The following MAPK6 variants were observed in gnomAD, a reference collection of about 807,000 sequenced individuals.
MAPK6 encodes the protein mitogen-activated protein kinase 6.
Under a neutral mutation model 59.3 loss-of-function variants are expected in MAPK6, and 19 were observed. The ratio of observed to expected loss-of-function variants is 0.32; its 90% CI spans 0.22 to 0.47. MAPK6 has a LOEUF of 0.47. Among genes scored for constraint, MAPK6 ranks in the 20% least tolerant of loss-of-function variants. The pLI is 1.00. For synonymous variants in MAPK6, 316 were observed against 290.3 expected (o/e 1.09, Z -0.90); for missense variants, 724 against 847.9 (o/e 0.85, Z 1.81).
In MAPK6 at chr15:52,064,594, C is replaced by T. The variant is rs1250040312; in HGVS notation, c.1760C>T (p.Ala587Val). 2.5e-6 allele frequency: 4 copies of T among 1,611,792 alleles called. No individual in the cohort carries two copies. Among genetic ancestry groups the T allele is most frequent in the Middle Eastern group, 2.3e-4 (1 of 4,430 alleles). ...KGMANLAQLE[A>V]LYQSSWDSQF... is the part of the protein sequence containing the mutation. ...ATGGCAAATCTGGCTCAATTAGAAG[C>T]CTTGTACCAGTCTTCTTGGGACAGC... Residue 587 changes from alanine (A) to valine (V), a missense_variant, in exon 6 of 6, where the codon GCC becomes GTC. Ala to Val is a moderately conservative substitution (Grantham distance 64). Coordinates refer to ENST00000261845, the MANE Select transcript of MAPK6 (RefSeq NM_002748.4).
Position 52,058,530 on chromosome 15 carries a change from T to C in MAPK6, c.701-103T>C, listed in dbSNP as rs2032070406. 8 of 952,856 alleles carry C rather than the reference T, an allele frequency of 8.4e-6. 1 individual carries two copies. In the African/African-American group the frequency reaches 1.3e-4, roughly 16 times the overall value. The allele number at this position is 952,856 out of a possible 1,614,324, so 59.0% of individuals were successfully genotyped here. A position where few individuals can be genotyped will look rare whatever the true frequency, so the allele number is the denominator to read the frequency against. On this transcript the variant is annotated intron_variant, in intron 3 of 5. Transcript: ENST00000261845. ...CCTGCTGATGATACAATTCAAACTTTTCCCCCCACTGGTCATTATAATATT... is the reference window on the plus strand; with the variant it reads ...CCTGCTGATGATACAATTCAAACTTCTCCCCCCACTGGTCATTATAATATT...
At chr15:52,016,107 C>CACACACAA (rs1267339787), upstream of MAPK6, among the ~76,000 whole-genome samples, 807 of 136,146 alleles carry the variant, frequency 5.9e-3, 7 homozygotes, top group African/African-American at 0.015. Flanking sequence ...CACACACACA[C>CACACACAA]AAACTAAAAC....
intron 2 of MAPK6, among the ~76,000 whole-genome samples, chr15:51,991,176 C>CACAT (rs941245260): frequency 6.7e-6 from 1 of 149,036 alleles, no homozygotes; most frequent in Non-Finnish European, 1.5e-5. Flanking sequence ...CACACACACA[C>CACAT]ACACATATAT....
At chr15:52,058,487 A>T in intron 3 of MAPK6, 146 bp from the exon 4 acceptor site, 1 of 588,910 alleles carries the variant, frequency 1.7e-6, no homozygotes, top group Non-Finnish European at 2.8e-6. Flanking sequence ...TAGATTGGTG[A>T]TAGTCAAAGC....
At chr15:52,060,349 GT>G (rs1193316659) in intron 4 of MAPK6, among the ~76,000 whole-genome samples, 2 of 152,234 alleles carry the variant, frequency 1.3e-5, no homozygotes, top group African/African-American at 4.8e-5. Flanking sequence ...GGATGTGTGA[GT>G]GACCATAGTG....
At chr15:52,054,857 G>GGCTCACTGCAACCTCCGCCTCCCAGGTTC (rs1373549263) in intron 3 of MAPK6, among the ~76,000 whole-genome samples, 2 of 151,834 alleles carry the variant, frequency 1.3e-5, no homozygotes, top group Non-Finnish European at 2.9e-5. Flanking sequence ...GTGCGATCTT[G>GGCTCACTGCAACCTCCGCCTCCCAGGTTC]GCTCACTGCA....
chr15:52,039,486 G>GT (rs2031346053), intron 1 of MAPK6, among the ~76,000 whole-genome samples: 1 of 150,696 alleles, frequency 6.6e-6, no homozygotes, highest in African/African-American at 2.4e-5. Context: ...ACACAAATTG[G>GT]TAGTAGTAGG....
chr15:52,014,140 C>T (rs1259136211), intron 3 of MAPK6, among the ~76,000 whole-genome samples: 1 of 151,924 alleles, frequency 6.6e-6, no homozygotes, highest in Non-Finnish European at 1.5e-5. Flanking sequence ...CCCTGATGTC[C>T]CCGGTTCTTA....
chr15:52,013,020 AATATATATATATATATATAT>A (rs71130116), intron 3 of MAPK6, among the ~76,000 whole-genome samples: 7 of 19,124 alleles, frequency 3.7e-4, no homozygotes, highest in East Asian at 4.1e-3. Flanking sequence ...AAAAAAAAAA[AATATATATATATATATATAT>A]ATATATATAT....
At chr15:52,002,072 A>G (rs972014798) in intron 2 of MAPK6, among the ~76,000 whole-genome samples, 1 of 152,188 alleles carries the variant, frequency 6.6e-6, no homozygotes, top group Non-Finnish European at 1.5e-5. Context: ...AAGTCTCTTT[A>G]CATGCTACCA....
intron 3 of MAPK6, among the ~76,000 whole-genome samples, chr15:52,051,227 T>C (rs2031768024): frequency 6.6e-6 from 1 of 152,038 alleles, no homozygotes; most frequent in African/African-American, 2.4e-5. Flanking sequence ...CCGGCTAATT[T>C]TTTGTATTTT....
chr15:51,981,240 G>A (rs191248533), intron 1 of MAPK6, among the ~76,000 whole-genome samples: 72 of 151,754 alleles, frequency 4.7e-4, no homozygotes, highest in African/African-American at 1.7e-3. Flanking sequence ...TTGGGAGGCC[G>A]AGGCCAGCGG....
intron 5 of MAPK6, 28 bp from the exon 6 acceptor site, chr15:52,063,874 A>G: frequency 6.6e-7 from 1 of 1,521,106 alleles, no homozygotes; most frequent in Non-Finnish European, 8.8e-7. Flanking sequence ...TATACGTAGA[A>G]TAACGCTAGT....
intron 1 of MAPK6, among the ~76,000 whole-genome samples, chr15:52,045,412 A>G (rs2031566002): frequency 6.6e-6 from 1 of 152,268 alleles, no homozygotes; most frequent in South Asian, 2.1e-4. Context: ...ATTGATAGGC[A>G]TAGTTAATAA....
In MAPK6 at chr15:52,050,149, G is replaced by C; in HGVS notation, c.700+12G>C. On this transcript the variant is annotated intron_variant, in intron 3 of 5. Coordinates refer to ENST00000261845, the MANE Select transcript of MAPK6 (RefSeq NM_002748.4). Reference sequence around the variant, plus strand: ...AACCCTTTTTGCAGGTTAGTATTTTGTGGGGGGAAAAATTTTCCCAAAGAG... The same window carrying C: ...AACCCTTTTTGCAGGTTAGTATTTTCTGGGGGGAAAAATTTTCCCAAAGAG... 3.8e-6 allele frequency: 6 copies of C among 1,587,634 alleles called. No individual in the cohort carries two copies. Among genetic ancestry groups the C allele is most frequent in the Non-Finnish European group, 5.1e-6 (6 of 1,174,172 alleles).
At chr15:51,981,317 C>CA in intron 1 of MAPK6, among the ~76,000 whole-genome samples, 1 of 151,690 alleles carries the variant, frequency 6.6e-6, no homozygotes, top group African/African-American at 2.4e-5. Flanking sequence ...ACTAAAAATA[C>CA]AAAAAATTAG....
chr15:51,993,483 C>T (rs1296470013), intron 2 of MAPK6, among the ~76,000 whole-genome samples: 1 of 152,160 alleles, frequency 6.6e-6, no homozygotes, highest in Non-Finnish European at 1.5e-5. Flanking sequence ...TCAAGTTTCT[C>T]ACTGGCAGAA....
At chr15:52,012,559 A>T (rs1420752906) in intron 3 of MAPK6, among the ~76,000 whole-genome samples, 2 of 152,202 alleles carry the variant, frequency 1.3e-5, no homozygotes, top group African/African-American at 2.4e-5. Context: ...ACTTTATTGC[A>T]GTCAAATGTC....
At chr15:52,022,537 C>G (rs1392238333) in intron 1 of MAPK6, among the ~76,000 whole-genome samples, 1 of 152,148 alleles carries the variant, frequency 6.6e-6, no homozygotes, top group African/African-American at 2.4e-5. Flanking sequence ...GTTGGGATTA[C>G]AGGTGTGAGC....
Sources: gnomAD v4.1 joint callset for allele counts (sites outside exome capture counted in the v4.1 genomes callset) on GRCh38, gnomAD v4.1.1 for gene constraint, MANE v1.5 for transcripts, NCBI Gene and HGNC (gene_info 2026-07-23, HGNC 2026-07-21) for gene names.